Variants in ACTR3C observed in about 807,000 individuals in gnomAD.
The protein encoded by ACTR3C is actin-related protein 3C.
Under a neutral mutation model 26.3 loss-of-function variants are expected in ACTR3C, and 18 were observed. The ratio of observed to expected loss-of-function variants is 0.68; its 90% CI spans 0.47 to 1.01. ACTR3C has a LOEUF of 1.01. ACTR3C is among the 50% of genes least tolerant of loss of function. The probability of loss-of-function intolerance (pLI) is 0.00; values close to 1 mark genes in which losing one functional copy is unlikely to be tolerated. For missense variants in ACTR3C, 184 were observed against 250.7 expected (o/e 0.73, Z 1.80); for synonymous variants, 55 against 94.5 (o/e 0.58, Z 2.42).
chr7:149,987,821 T>A, the ACTR3C span, among the ~76,000 whole-genome samples: 4 of 151,992 alleles, frequency 2.6e-5, no homozygotes, highest in Non-Finnish European at 5.9e-5. Flanking sequence ...TTTTCCTGTA[T>A]AATTAAGAAG....
chr7:149,929,425 CAAAAAAAAAA>C, the ACTR3C span, among the ~76,000 whole-genome samples: 23 of 49,128 alleles, frequency 4.7e-4, no homozygotes, highest in South Asian at 1.4e-3. Flanking sequence ...AAGATTCTGT[CAAAAAAAAAA>C]AAAAAAAAAA....
chr7:150,293,720 G>A (rs955011615), intron 2 of ACTR3C, among the ~76,000 whole-genome samples: 14 of 152,232 alleles, frequency 9.2e-5, no homozygotes, highest in Non-Finnish European at 1.8e-4. Context: ...CAGATCACTT[G>A]AACCCAAGAG....
the ACTR3C span, among the ~76,000 whole-genome samples, chr7:149,888,954 G>A: frequency 6.6e-6 from 1 of 151,914 alleles, no homozygotes; most frequent in African/African-American, 2.4e-5. Context: ...GTTGCAGTGA[G>A]CTGAGATCAC....
At chr7:149,913,253 C>T in the ACTR3C span, among the ~76,000 whole-genome samples, 1 of 152,210 alleles carries the variant, frequency 6.6e-6, no homozygotes, top group South Asian at 2.1e-4. Context: ...AAAACAAAAG[C>T]AAAACATAAT....
chr7:150,290,416 G>A (rs1280164180), intron 3 of ACTR3C, among the ~76,000 whole-genome samples: 1 of 152,232 alleles, frequency 6.6e-6, no homozygotes, highest in Non-Finnish European at 1.5e-5. Flanking sequence ...CACACATCCA[G>A]CTTGTTCTAC....
At chr7:149,973,624 A>G in the ACTR3C span, among the ~76,000 whole-genome samples, 2 of 152,074 alleles carry the variant, frequency 1.3e-5, no homozygotes, top group African/African-American at 4.8e-5. Flanking sequence ...GATGTAATTA[A>G]TTGATATTGG....
the ACTR3C span, among the ~76,000 whole-genome samples, chr7:150,144,299 G>C: frequency 6.6e-6 from 1 of 152,182 alleles, no homozygotes; most frequent in Non-Finnish European, 1.5e-5. The surrounding 1 kb of genome is among the most constrained non-coding windows in gnomAD (Gnocchi z 4.6). Context: ...TTTTAACTCA[G>C]TACTGTTAAG....
the ACTR3C span, among the ~76,000 whole-genome samples, chr7:150,181,086 C>T: frequency 9.9e-5 from 15 of 150,964 alleles, no homozygotes; most frequent in Non-Finnish European, 1.9e-4. Context: ...AAATGACTAG[C>T]AAGAACTCTC....
the ACTR3C span, among the ~76,000 whole-genome samples, chr7:150,168,572 A>G: frequency 2.4e-4 from 36 of 150,970 alleles, no homozygotes; most frequent in East Asian, 5.0e-3. Flanking sequence ...ATGCACTTGA[A>G]TCATCCCAAA....
the ACTR3C span, among the ~76,000 whole-genome samples, chr7:150,102,413 T>C: frequency 0.017 from 2,553 of 152,114 alleles, 71 homozygotes; most frequent in African/African-American, 0.059. Flanking sequence ...TTCAGCTAGT[T>C]CTGGCACATT....
At chr7:150,037,891 G>A in the ACTR3C span, among the ~76,000 whole-genome samples, 2 of 131,002 alleles carry the variant, frequency 1.5e-5, no homozygotes. Flanking sequence ...AAGGGGGGAA[G>A]AGGGGCTCGC....
the ACTR3C span, among the ~76,000 whole-genome samples, chr7:150,199,477 G>C: frequency 4.0e-5 from 4 of 101,240 alleles, no homozygotes; most frequent in African/African-American, 1.2e-4. Context: ...GCGGAAGGCC[G>C]CAGGGTCCTC....
chr7:150,030,693 G>C, the ACTR3C span, among the ~76,000 whole-genome samples: 16 of 152,216 alleles, frequency 1.1e-4, no homozygotes, highest in Non-Finnish European at 2.2e-4. Flanking sequence ...TCCTACTCTT[G>C]TCTCTGCCAA....
At chr7:149,943,102 CG>C in the ACTR3C span, among the ~76,000 whole-genome samples, 1 of 151,870 alleles carries the variant, frequency 6.6e-6, no homozygotes, top group Non-Finnish European at 1.5e-5. Context: ...ACTATGGCCC[CG>C]GGGCCTGCTG....
chr7:150,181,483 G>A, the ACTR3C span, among the ~76,000 whole-genome samples: 2 of 150,692 alleles, frequency 1.3e-5, 1 homozygote, highest in African/African-American at 5.0e-5. Flanking sequence ...CAGGTACTCG[G>A]GTGGCTGAAG....
chr7:149,920,893 A>G, the ACTR3C span, among the ~76,000 whole-genome samples: 1 of 151,594 alleles, frequency 6.6e-6, no homozygotes, highest in Non-Finnish European at 1.5e-5. Flanking sequence ...CAGCTTCCCA[A>G]GTAGCTGGAT....
intron 1 of ACTR3C, among the ~76,000 whole-genome samples, chr7:150,297,293 C>T (rs1191926049): frequency 6.6e-6 from 1 of 150,786 alleles, no homozygotes; most frequent in Non-Finnish European, 1.5e-5. Context: ...GATAACCACA[C>T]ATTATATGTA....
At chr7:150,314,531 G>C (rs2129616294) in intron 1 of ACTR3C, among the ~76,000 whole-genome samples, 1 of 152,268 alleles carries the variant, frequency 6.6e-6, no homozygotes, top group Non-Finnish European at 1.5e-5. Flanking sequence ...GAAAAAGACA[G>C]GGAGATGTGT....
chr7:150,260,706 T>C (rs904326917), intron 6 of ACTR3C, among the ~76,000 whole-genome samples: 8 of 152,216 alleles, frequency 5.3e-5, no homozygotes, highest in Non-Finnish European at 1.2e-4. Flanking sequence ...CTAGAAGGGA[T>C]GCTGTTTGGA....
Sources: gnomAD v4.1 joint callset for allele counts (sites outside exome capture counted in the v4.1 genomes callset) on GRCh38, gnomAD v4.1.1 for gene constraint, Gnocchi (gnomAD v3.1) non-coding constraint, MANE v1.5 for transcripts, NCBI Gene and HGNC (gene_info 2026-07-23, HGNC 2026-07-21) for gene names.